GSE1: variants seen among roughly 807,000 people sequenced by gnomAD.
GSE1 encodes the protein genetic suppressor element 1.
A neutral mutation model predicts 112.6 loss-of-function variants in GSE1; 32 were observed. The observed-to-expected ratio is 0.28, with a 90% CI of 0.21 to 0.38. The LOEUF is 0.38. GSE1 is among the 10% of genes least tolerant of loss of function. The probability of loss-of-function intolerance (pLI) is 1.00; values close to 1 mark genes in which losing one functional copy is unlikely to be tolerated. For missense variants in GSE1, 2,348 were observed against 1,699.2 expected (o/e 1.38, Z -6.71); for synonymous variants, 1,115 against 735.6 (o/e 1.52, Z -8.35).
At chr16:85,234,045 G>C (rs575670815) in intron 1 of GSE1, among the ~76,000 whole-genome samples, 107 of 152,144 alleles carry the variant, frequency 7.0e-4, no homozygotes, top group Non-Finnish European at 1.1e-3. Flanking sequence ...TGGGAACTCA[G>C]GTTCAATAGG....
intron 2 of GSE1, among the ~76,000 whole-genome samples, chr16:85,384,670 G>A (rs754572910): frequency 5.3e-5 from 8 of 152,228 alleles, no homozygotes; most frequent in East Asian, 1.9e-4. Context: ...ACGGCCAGGC[G>A]TGTGGGTGGA....
intron 1 of GSE1, among the ~76,000 whole-genome samples, chr16:85,286,429 C>G (rs975373991): frequency 4.6e-5 from 7 of 152,176 alleles, no homozygotes; most frequent in African/African-American, 1.7e-4. Context: ...TGCCGCAGTC[C>G]GTGTTACTGA....
chr16:85,313,957 T>TGTGTGTG (rs2045925027), intron 1 of GSE1, among the ~76,000 whole-genome samples: 1 of 140,664 alleles, frequency 7.1e-6, no homozygotes, highest in African/African-American at 3.2e-5. Flanking sequence ...TGACATAGCC[T>TGTGTGTG]AGTGTGTGTG....
At chr16:85,591,354 C>T (rs1489396552) in intron 1 of GSE1, among the ~76,000 whole-genome samples, 1 of 152,240 alleles carries the variant, frequency 6.6e-6, no homozygotes, top group Non-Finnish European at 1.5e-5. Context: ...GAACTGAGGG[C>T]CCCAACTCAG....
chr16:85,260,262 CT>C (rs1907532375), intron 1 of GSE1, among the ~76,000 whole-genome samples: 1 of 151,388 alleles, frequency 6.6e-6, no homozygotes, highest in Admixed American at 6.6e-5. Flanking sequence ...TTTCAGTGAC[CT>C]TGACTCTTGT....
chr16:85,328,638 A>G (rs2966839), intron 1 of GSE1, among the ~76,000 whole-genome samples: 150,449 of 152,334 alleles, frequency 0.99, 74,318 homozygotes, highest in East Asian at 1. Flanking sequence ...CCTCCTCAGA[A>G]TGCAGGTCCC....
chr16:85,423,079 G>A (rs150310619), intron 2 of GSE1, among the ~76,000 whole-genome samples: 8 of 152,208 alleles, frequency 5.3e-5, no homozygotes, highest in Non-Finnish European at 1.2e-4. Flanking sequence ...GCACTGCCTC[G>A]CAAGCACTGA....
chr16:85,589,673 G>A (rs11866829), intron 1 of GSE1, among the ~76,000 whole-genome samples: 5,076 of 152,268 alleles, frequency 0.033, 283 homozygotes, highest in African/African-American at 0.12. Flanking sequence ...AATGTATGGC[G>A]GTGTATGGAA....
chr16:85,545,052 G>A (rs1271454408), intron 2 of GSE1, among the ~76,000 whole-genome samples: 3 of 152,206 alleles, frequency 2.0e-5, no homozygotes, highest in African/African-American at 7.2e-5. Context: ...GCCCCCATTG[G>A]CTCTGCACAA....
intron 1 of GSE1, among the ~76,000 whole-genome samples, chr16:85,217,775 G>A (rs567482320): frequency 4.6e-5 from 7 of 152,186 alleles, no homozygotes; most frequent in Admixed American, 3.9e-4. Flanking sequence ...TTTCCCTGCT[G>A]CATCCTCCCC....
At chr16:85,333,461 G>A (rs1173049888) in intron 1 of GSE1, among the ~76,000 whole-genome samples, 1 of 152,192 alleles carries the variant, frequency 6.6e-6, no homozygotes, top group Non-Finnish European at 1.5e-5. Context: ...TCTGAGTGCG[G>A]CTGCAGCCCG....
At chr16:85,271,019 T>A (rs1908774835) in intron 1 of GSE1, among the ~76,000 whole-genome samples, 1 of 152,210 alleles carries the variant, frequency 6.6e-6, no homozygotes, top group African/African-American at 2.4e-5. Flanking sequence ...GCGAATGCCA[T>A]CAGGCCCTGT....
At chr16:85,354,599 T>A (rs565642655) in intron 1 of GSE1, among the ~76,000 whole-genome samples, 1 of 152,272 alleles carries the variant, frequency 6.6e-6, no homozygotes, top group East Asian at 1.9e-4. Context: ...GCCCCCCAGC[T>A]CCAGGAGGGA....
At chr16:85,662,811 A>G (rs1162696167) in intron 9 of GSE1, 170 bp from the exon 10 acceptor site, 3 of 594,610 alleles carry the variant, frequency 5.0e-6, no homozygotes, top group Non-Finnish European at 9.0e-6. Flanking sequence ...AAGCCCCAGG[A>G]CTGGGTTAAT....
chr16:85,395,896 A>G (rs1467838474), intron 2 of GSE1, among the ~76,000 whole-genome samples: 1 of 148,198 alleles, frequency 6.7e-6, no homozygotes, highest in East Asian at 2.2e-4. Flanking sequence ...CGCCCCGCAG[A>G]AGGGCTGCGT....
chr16:85,423,602 G>T (rs1013947002), intron 2 of GSE1, among the ~76,000 whole-genome samples: 5 of 151,788 alleles, frequency 3.3e-5, no homozygotes, highest in African/African-American at 9.7e-5. Context: ...GAGTTAGGGG[G>T]CTGTAGAAAA....
intron 2 of GSE1, among the ~76,000 whole-genome samples, chr16:85,527,947 A>G (rs2052416006): frequency 6.6e-6 from 1 of 152,084 alleles, no homozygotes; most frequent in African/African-American, 2.4e-5. Context: ...CGTTCCTGGA[A>G]GAGAGAGAGG....
intron 1 of GSE1, chr16:85,593,598 C>G (rs2047088112): frequency 6.6e-6 from 1 of 151,994 alleles, no homozygotes. Flanking sequence ...CTTAGCCTCC[C>G]CTCCCTCCCG....
intron 2 of GSE1, among the ~76,000 whole-genome samples, chr16:85,422,369 C>CG (rs1467172483): frequency 0.012 from 917 of 78,548 alleles, 6 homozygotes; most frequent in South Asian, 0.068. Flanking sequence ...CTGGGCGGGG[C>CG]GGGGGGGGGT....
Sources: allele counts gnomAD v4.1 joint callset (sites outside exome capture counted in the v4.1 genomes callset), GRCh38; gene constraint gnomAD v4.1.1; transcripts MANE v1.5; gene names NCBI Gene and HGNC (gene_info 2026-07-23, HGNC 2026-07-21).